Variants in XKR9 observed in about 807,000 individuals in gnomAD.
XKR9 encodes XK-related protein 9.
In XKR9, 32 loss-of-function variants were observed where a neutral mutation model predicts 32.0. The ratio of observed to expected loss-of-function variants is 1.00; its 90% CI spans 0.76 to 1.34. XKR9 has a LOEUF of 1.34. Ranked by LOEUF, XKR9 falls within the 40% of genes most tolerant of loss-of-function variation. The pLI, the probability that XKR9 is intolerant of heterozygous loss-of-function variation, is 0.00. For synonymous variants in XKR9, 168 were observed against 143.4 expected, an observed-to-expected ratio of 1.17 and a Z score of -1.22; for missense variants, 546 against 429.7, an observed-to-expected ratio of 1.27 and a Z score of -2.39.
downstream of XKR9, among the ~76,000 whole-genome samples, chr8:70,794,794 C>T (rs181087688): frequency 4.1e-5 from 6 of 145,668 alleles, 1 homozygote; most frequent in East Asian, 7.8e-4. Context: ...TGTCTATATT[C>T]GTACGATATA....
chr8:70,878,177 A>C, the XKR9 span, among the ~76,000 whole-genome samples: 1 of 152,172 alleles, frequency 6.6e-6, no homozygotes, highest in African/African-American at 2.4e-5. Context: ...CATGGAAACA[A>C]CCAGTACCAG....
At chr8:70,677,204 G>A (rs548909485) in intron 2 of XKR9, among the ~76,000 whole-genome samples, 48 of 152,108 alleles carry the variant, frequency 3.2e-4, no homozygotes, top group African/African-American at 1.2e-3. Context: ...GGAGTGCAGC[G>A]ATGCCATATC....
rs1319228618 is a variant in XKR9 at position 70,706,883 on chromosome 8, T to C, written c.273-50T>C. 8 of 1,434,080 alleles carry C rather than the reference T, an allele frequency of 5.6e-6. No homozygotes were observed. In the East Asian group the frequency reaches 1.6e-4, roughly 29 times the overall value. 88.8% of individuals were successfully genotyped at this position (1,434,080 alleles called of 1,614,324 possible). A position where few individuals can be genotyped will look rare whatever the true frequency, so the allele number is the denominator to read the frequency against. On this transcript the variant is annotated intron_variant, in intron 3 of 4. Transcript: ENST00000408926. ...AAATTATTATGTGTATTAACAGACATGTTACAAAGAATATAAAACTAAAGA... is the reference window on the plus strand; with the variant it reads ...AAATTATTATGTGTATTAACAGACACGTTACAAAGAATATAAAACTAAAGA...
At chr8:70,745,926 C>T (rs146503040) in intron 2 of XKR9, among the ~76,000 whole-genome samples, 2 of 152,196 alleles carry the variant, frequency 1.3e-5, no homozygotes, top group African/African-American at 4.8e-5. Flanking sequence ...TTAATGATTA[C>T]AATAAATTCA....
chr8:70,985,185 G>A, the XKR9 span, among the ~76,000 whole-genome samples: 1 of 152,184 alleles, frequency 6.6e-6, no homozygotes, highest in East Asian at 1.9e-4. Flanking sequence ...TCTAAAATTT[G>A]GCATGTGATG....
At chr8:70,915,024 C>A in the XKR9 span, among the ~76,000 whole-genome samples, 1 of 151,352 alleles carries the variant, frequency 6.6e-6, no homozygotes, top group African/African-American at 2.4e-5. Flanking sequence ...GAGCAGGGGG[C>A]TAGGGAATGG....
downstream of XKR9, among the ~76,000 whole-genome samples, chr8:70,736,160 C>G (rs570115939): frequency 0.11 from 16,797 of 151,560 alleles, 1,058 homozygotes; most frequent in African/African-American, 0.17. Context: ...GCCATTCTAA[C>G]TGGTGTGAGA....
At chr8:70,746,073 G>A (rs563590609) in intron 2 of XKR9, among the ~76,000 whole-genome samples, 1 of 152,042 alleles carries the variant, frequency 6.6e-6, no homozygotes, top group Non-Finnish European at 1.5e-5. Context: ...TAGTTAAATG[G>A]TATCCTTCAT....
chr8:71,056,167 A>G, the XKR9 span, among the ~76,000 whole-genome samples: 1 of 152,180 alleles, frequency 6.6e-6, no homozygotes, highest in Admixed American at 6.5e-5. Flanking sequence ...TTTTGTTGGA[A>G]CAATGAAGTT....
intron 3 of XKR9, among the ~76,000 whole-genome samples, chr8:70,688,708 G>A (rs993597677): frequency 2.2e-4 from 31 of 140,668 alleles, no homozygotes; most frequent in African/African-American, 7.3e-4. Context: ...TAGCCACTGT[G>A]CCTGTCCTTT....
At chr8:70,706,898 A>G in intron 3 of XKR9, 35 bp from the exon 4 acceptor site, 2 of 1,524,778 alleles carry the variant, frequency 1.3e-6, no homozygotes, top group African/African-American at 1.4e-5. Context: ...CAAAGAATAT[A>G]AAACTAAAGA....
intron 3 of XKR9, among the ~76,000 whole-genome samples, chr8:70,704,160 C>T (rs750439538): frequency 6.0e-5 from 9 of 151,172 alleles, no homozygotes; most frequent in South Asian, 2.1e-4. Flanking sequence ...CCAGCCTGGG[C>T]GACAGAGGGA....
chr8:70,812,466 A>G, the XKR9 span, among the ~76,000 whole-genome samples: 1 of 152,224 alleles, frequency 6.6e-6, no homozygotes, highest in Non-Finnish European at 1.5e-5. Flanking sequence ...AGAAGGAAAT[A>G]AAGGATATTC....
the XKR9 span, among the ~76,000 whole-genome samples, chr8:70,956,083 C>A: frequency 6.6e-5 from 10 of 152,302 alleles, no homozygotes; most frequent in Non-Finnish European, 1.2e-4. Context: ...TCATCGCTTG[C>A]AACATGGCGA....
At chr8:70,750,099 A>AT (rs1807117813) in intron 2 of XKR9, among the ~76,000 whole-genome samples, 1 of 151,382 alleles carries the variant, frequency 6.6e-6, no homozygotes, top group South Asian at 2.1e-4. Context: ...TATTTCTCTT[A>AT]TTTTTTTCTG....
chr8:70,771,264 T>C (rs1286007311), intron 2 of XKR9, among the ~76,000 whole-genome samples: 2 of 152,130 alleles, frequency 1.3e-5, no homozygotes, highest in Non-Finnish European at 2.9e-5. Flanking sequence ...CCAGTCCCAA[T>C]GAGATGAACC....
the XKR9 span, among the ~76,000 whole-genome samples, chr8:71,050,771 AG>A: frequency 6.6e-6 from 1 of 152,206 alleles, no homozygotes; most frequent in African/African-American, 2.4e-5. Flanking sequence ...TACTGCACTT[AG>A]CCCGAATTTG....
the XKR9 span, among the ~76,000 whole-genome samples, chr8:70,805,194 A>AC: frequency 6.6e-6 from 1 of 151,960 alleles, no homozygotes; most frequent in East Asian, 1.9e-4. Flanking sequence ...GGGAATCTCC[A>AC]CCCCCCAGCC....
chr8:70,782,893 C>A (rs1807635428), intron 2 of XKR9, among the ~76,000 whole-genome samples: 1 of 152,124 alleles, frequency 6.6e-6, no homozygotes, highest in African/African-American at 2.4e-5. Context: ...TGTAGGACTG[C>A]CAACACCTCT....
Sources: gnomAD v4.1 joint callset for allele counts (sites outside exome capture counted in the v4.1 genomes callset) on GRCh38, gnomAD v4.1.1 for gene constraint, MANE v1.5 for transcripts, NCBI Gene and HGNC (gene_info 2026-07-23, HGNC 2026-07-21) for gene names.